GRM8: variants seen among roughly 807,000 people sequenced by gnomAD.
GRM8 encodes the protein glutamate metabotropic receptor 8, also known as metabotropic glutamate receptor 8.
In GRM8, 47 loss-of-function variants were observed where a neutral mutation model predicts 87.2. That is an observed-to-expected ratio of 0.54 (90% CI 0.43 to 0.69). The LOEUF is 0.69. Among genes scored for constraint, GRM8 ranks in the 30% least tolerant of loss-of-function variants. The pLI is 0.00. For missense variants in GRM8, 1,019 were observed against 1,139.2 expected (o/e 0.89, Z 1.52); for synonymous variants, 396 against 404.5 (o/e 0.98, Z 0.25).
intron 6 of GRM8, among the ~76,000 whole-genome samples, chr7:126,901,240 T>G (rs895111879): frequency 6.6e-6 from 1 of 152,214 alleles, no homozygotes; most frequent in Non-Finnish European, 1.5e-5. Flanking sequence ...CCACTTCTTG[T>G]CACTCAGGTC....
chr7:127,220,032 C>G (rs1005859700), intron 2 of GRM8, among the ~76,000 whole-genome samples: 1 of 152,184 alleles, frequency 6.6e-6, no homozygotes, highest in African/African-American at 2.4e-5. Context: ...TGAATCTATA[C>G]CATTATTTCA....
chr7:126,586,463 T>C (rs1796135620), intron 8 of GRM8, among the ~76,000 whole-genome samples: 1 of 152,180 alleles, frequency 6.6e-6, no homozygotes, highest in South Asian at 2.1e-4. Flanking sequence ...AACAGCATGG[T>C]ACTGGTACCA....
chr7:127,138,289 C>A (rs1828055051), intron 2 of GRM8, among the ~76,000 whole-genome samples: 1 of 152,048 alleles, frequency 6.6e-6, no homozygotes, highest in African/African-American at 2.4e-5. Context: ...TATAATTGGG[C>A]CAGTATACCC....
chr7:126,487,361 G>T (rs1807489494), intron 9 of GRM8, among the ~76,000 whole-genome samples: 1 of 151,822 alleles, frequency 6.6e-6, no homozygotes, highest in Admixed American at 6.6e-5. Flanking sequence ...AAACTCCTGG[G>T]CTCAAGCGGT....
intron 2 of GRM8, among the ~76,000 whole-genome samples, chr7:127,204,663 T>C (rs545166109): frequency 9.9e-5 from 15 of 151,720 alleles, no homozygotes; most frequent in Admixed American, 9.8e-4. Context: ...TGTCCAAATT[T>C]TTTTTTTTTT....
At chr7:126,646,556 T>C (rs539745163) in intron 7 of GRM8, among the ~76,000 whole-genome samples, 1 of 152,236 alleles carries the variant, frequency 6.6e-6, no homozygotes, top group East Asian at 1.9e-4. Flanking sequence ...AGGAGAGGCT[T>C]ATCAGTTCTT....
chr7:126,629,242 T>C (rs565556278), intron 7 of GRM8, among the ~76,000 whole-genome samples: 1 of 152,330 alleles, frequency 6.6e-6, no homozygotes, highest in East Asian at 1.9e-4. Context: ...AGATTTTACA[T>C]CAGTCAACCT....
chr7:127,076,333 T>A lies in GRM8; in HGVS notation c.727+30163A>T, dbSNP rs17866949. 2,356 of 376,452 alleles carry A rather than the reference T, an allele frequency of 6.3e-3. 55 individuals are homozygous for A. The highest frequency in any genetic ancestry group is 0.045 in the African/African-American group (2,126 of 47,538). The allele number at this position is 376,452 out of a possible 1,614,324, so 23.3% of individuals were successfully genotyped here. A position where few individuals can be genotyped will look rare whatever the true frequency, so the allele number is the denominator to read the frequency against. Reference sequence around the variant, plus strand: ...TATTTCTGTTCCATGTTCAGATCCATCTTGAGAGCACAGCAAACACTCAGA... The same window carrying A: ...TATTTCTGTTCCATGTTCAGATCCAACTTGAGAGCACAGCAAACACTCAGA... On this transcript the variant is annotated intron_variant, in intron 3 of 10. Coordinates refer to ENST00000339582, the MANE Select transcript of GRM8 (RefSeq NM_000845.3).
chr7:127,068,902 T>G (rs1821398459), intron 3 of GRM8, among the ~76,000 whole-genome samples: 1 of 152,172 alleles, frequency 6.6e-6, no homozygotes, highest in Admixed American at 6.5e-5. Context: ...CCAGGATGCA[T>G]CACTTTATAC....
At chr7:127,211,453 C>T (rs560932969) in intron 2 of GRM8, among the ~76,000 whole-genome samples, 6 of 152,326 alleles carry the variant, frequency 3.9e-5, no homozygotes, top group African/African-American at 1.4e-4. Context: ...TATGCCCACA[C>T]AGATGGAGGG....
At chr7:126,844,109 C>T (rs1255627847) in intron 6 of GRM8, among the ~76,000 whole-genome samples, 1 of 152,174 alleles carries the variant, frequency 6.6e-6, no homozygotes. Context: ...TAATCTTCTG[C>T]TTGTCAATTG....
At chr7:126,501,965 T>G (rs1357556668) in intron 9 of GRM8, among the ~76,000 whole-genome samples, 1 of 151,982 alleles carries the variant, frequency 6.6e-6, no homozygotes, top group Non-Finnish European at 1.5e-5. Flanking sequence ...TTGCAGGGCT[T>G]GATAACTTGA....
chr7:126,751,569 C>T (rs77082092), intron 7 of GRM8, among the ~76,000 whole-genome samples: 4,509 of 152,188 alleles, frequency 0.03, 254 homozygotes, highest in African/African-American at 0.1. Context: ...TACCCAAGTC[C>T]TTCCTTGGCT....
At chr7:127,212,163 A>G (rs1208282616) in intron 2 of GRM8, among the ~76,000 whole-genome samples, 1 of 152,216 alleles carries the variant, frequency 6.6e-6, no homozygotes, top group Non-Finnish European at 1.5e-5. Flanking sequence ...TTTTAAGGAC[A>G]GAAATATATT....
At chr7:127,102,232 G>A (rs560020208) in intron 3 of GRM8, among the ~76,000 whole-genome samples, 1 of 152,278 alleles carries the variant, frequency 6.6e-6, no homozygotes, top group South Asian at 2.1e-4. Flanking sequence ...AAGGGAAGCA[G>A]GGTATAAAAG....
intron 7 of GRM8, among the ~76,000 whole-genome samples, chr7:126,719,332 A>G (rs549921507): frequency 6.6e-6 from 1 of 152,374 alleles, no homozygotes; most frequent in African/African-American, 2.4e-5. Context: ...TAACACAAAC[A>G]TAGATTTCAC....
At position 127,140,925 on chromosome 7, in the gene GRM8, G is replaced by C. The variant is rs574963016; in HGVS notation, c.511-34213C>G. Among the ~76,000 whole-genome samples, 175 of 152,210 alleles carry C rather than the reference G, an allele frequency of 1.1e-3. 1 individual carries two copies. Among genetic ancestry groups the C allele is most frequent in the African/African-American group, 4.2e-3 (174 of 41,488 alleles). On this transcript the variant is annotated intron_variant, in intron 2 of 10. Transcript: ENST00000339582. ...CCTACACTTTCATCATTGGTCTCAT[G>C]CTGTATGATCCTCTAGGATTAGGAC... is the stretch of plus-strand genomic sequence containing the variant.
chr7:126,483,109 A>G (rs1348219660), intron 9 of GRM8, among the ~76,000 whole-genome samples: 1 of 147,860 alleles, frequency 6.8e-6, no homozygotes, highest in Non-Finnish European at 1.5e-5. Flanking sequence ...TTATATAAAT[A>G]TATAACTAAA....
At chr7:126,898,496 G>C (rs751579657) in intron 6 of GRM8, among the ~76,000 whole-genome samples, 5 of 152,154 alleles carry the variant, frequency 3.3e-5, no homozygotes, top group Non-Finnish European at 5.9e-5. Context: ...ATGAAAATCT[G>C]TTTACTGACC....
Sources: gnomAD v4.1 joint callset for allele counts (sites outside exome capture counted in the v4.1 genomes callset) on GRCh38, gnomAD v4.1.1 for gene constraint, MANE v1.5 for transcripts, NCBI Gene and HGNC (gene_info 2026-07-23, HGNC 2026-07-21) for gene names.